SLC12A2: variants seen among roughly 807,000 people sequenced by gnomAD.
SLC12A2 encodes the protein solute carrier family 12 member 2.
SLC12A2 carries 67 observed loss-of-function variants against 136.3 expected under a neutral mutation model. The observed-to-expected ratio is 0.49, with a 90% CI of 0.40 to 0.60. SLC12A2 has a LOEUF of 0.60. SLC12A2 is among the 20% of genes least tolerant of loss of function. The pLI is 0.00. For synonymous variants in SLC12A2, 619 were observed against 562.9 expected, an observed-to-expected ratio of 1.10 and a Z score of -1.41; for missense variants, 1,322 against 1,534.7, an observed-to-expected ratio of 0.86 and a Z score of 2.32.
chr5:128,084,134 C>T lies in SLC12A2; in HGVS notation c.180C>T (p.Gly60=). The stretch of plus-strand genomic sequence containing the variant: ...ACGGCGGCGGGGTCCGCGATGAGGG[C>T]CCCGCGGCGGCCGGGGACGGGCTGG... ...SRDGGGVRDE[G]PAAAGDGLGR... The change falls in exon 1 of 27, where the codon GGC becomes GGT. Residue 60 remains glycine, a synonymous_variant. Transcript: ENST00000262461. The surrounding 1 kb of genome is among the most constrained non-coding windows in gnomAD (Gnocchi z 5.6). 1.5e-6 allele frequency: 2 copies of T among 1,296,836 alleles called. No homozygotes were observed. The highest frequency in any genetic ancestry group is 1.9e-6 in the Non-Finnish European group (2 of 1,028,434). The allele number at this position is 1,296,836 out of a possible 1,614,324, so 80.3% of individuals were successfully genotyped here.
chr5:128,089,038 C>T (rs759938467), intron 1 of SLC12A2, among the ~76,000 whole-genome samples: 4 of 151,934 alleles, frequency 2.6e-5, no homozygotes, highest in African/African-American at 4.8e-5. Context: ...CGTGGTGGCG[C>T]ATGCCTGTAA....
chr5:128,086,990 A>G (rs745811800), intron 1 of SLC12A2, among the ~76,000 whole-genome samples: 3 of 152,252 alleles, frequency 2.0e-5, no homozygotes, highest in Non-Finnish European at 4.4e-5. Flanking sequence ...TACTAAGTGC[A>G]TAATTATCTA....
chr5:128,162,787 A>G (rs1470574692), intron 17 of SLC12A2, among the ~76,000 whole-genome samples: 1 of 152,238 alleles, frequency 6.6e-6, no homozygotes, highest in Non-Finnish European at 1.5e-5. Flanking sequence ...TTCCATATCC[A>G]TTAGACTGAC....
chr5:128,116,914 G>GA (rs953902939), intron 4 of SLC12A2, among the ~76,000 whole-genome samples: 1 of 152,004 alleles, frequency 6.6e-6, no homozygotes, highest in Admixed American at 6.6e-5. Flanking sequence ...TTGGTATCAT[G>GA]AAAAAAATAT....
Position 128,114,794 on chromosome 5 carries a change from T to C in SLC12A2, c.1048+113T>C, listed in dbSNP as rs547314367. On this transcript the variant is annotated intron_variant, in intron 4 of 26. Transcript: ENST00000262461. ...ACTGAAGCAACATATTAAGTCTATATAGACAAGAAAGTTGCTACCGAGCAC... is the reference window on the plus strand; with the variant it reads ...ACTGAAGCAACATATTAAGTCTATACAGACAAGAAAGTTGCTACCGAGCAC... 94 of 670,314 alleles carry C rather than the reference T, an allele frequency of 1.4e-4. No homozygotes were observed. The African/African-American group carries it at 1.6e-3, about 11-fold the overall frequency. 41.5% of individuals were successfully genotyped at this position (670,314 alleles called of 1,614,324 possible).
At chr5:128,177,901 A>G (rs1036925980) in intron 21 of SLC12A2, among the ~76,000 whole-genome samples, 2 of 152,160 alleles carry the variant, frequency 1.3e-5, no homozygotes, top group Non-Finnish European at 2.9e-5. Flanking sequence ...TATTGTTCTC[A>G]GACCTGCAGC....
intron 1 of SLC12A2, among the ~76,000 whole-genome samples, chr5:128,111,641 T>G (rs947240211): frequency 1.3e-5 from 2 of 151,610 alleles, no homozygotes; most frequent in Admixed American, 1.3e-4. Flanking sequence ...GGTGGGCGCC[T>G]GTAGTCCCAG....
rs751228230 is a variant in SLC12A2, at chr5:128,151,341, G to C, written c.2208G>C (p.Leu736Phe). Residue 736 changes from leucine (L) to phenylalanine (F), a missense_variant, in exon 14 of 27, where the codon TTG becomes TTC. Physicochemically the swap from Leu to Phe is conservative, Grantham distance 22. Around this residue, in one of 8 missense-constraint regions of SLC12A2, gnomAD observed 294 missense variants for 436.6 expected, o/e 0.67. Coordinates refer to ENST00000262461, the MANE Select transcript of SLC12A2 (RefSeq NM_001046.3). ...VMFVINWWAALLTYVIVLGLY... is the reference protein window; with the variant it reads ...VMFVINWWAAFLTYVIVLGLY... ...TCGTCATTAACTGGTGGGCTGCATT[G>C]CTAACATATGTGATAGTCCTTGGGC... is the stretch of plus-strand genomic sequence containing the variant. 6.2e-7 allele frequency: 1 copy of C among 1,612,194 alleles called. No homozygotes were observed. The highest frequency in any genetic ancestry group is 1.1e-5 in the South Asian group (1 of 90,814).
intron 16 of SLC12A2, among the ~76,000 whole-genome samples, chr5:128,158,870 T>G (rs1342989834): frequency 1.3e-5 from 2 of 151,602 alleles, no homozygotes; most frequent in Non-Finnish European, 2.9e-5. Context: ...TCTGTGTTTT[T>G]TTTTTTTTTT....
chr5:128,125,570 TTG>T (rs983675814), intron 4 of SLC12A2, among the ~76,000 whole-genome samples: 35 of 152,308 alleles, frequency 2.3e-4, no homozygotes, highest in African/African-American at 7.9e-4. Flanking sequence ...GACATATATA[TTG>T]TGTGTATTTG....
intron 4 of SLC12A2, among the ~76,000 whole-genome samples, chr5:128,128,713 G>A (rs1561674869): frequency 1.3e-5 from 2 of 150,650 alleles, no homozygotes; most frequent in African/African-American, 4.9e-5. Flanking sequence ...GTAGAATTAA[G>A]TTAAATGTGT....
intron 12 of SLC12A2, 133 bp from the exon 13 acceptor site, chr5:128,149,864 C>CCATTGAA (rs1762643029): frequency 1.4e-6 from 1 of 693,196 alleles, no homozygotes; most frequent in Non-Finnish European, 2.5e-6. Context: ...ATATGGCAAA[C>CCATTGAA]TCTAAATGTT....
chr5:128,177,057 A>AAT, intron 20 of SLC12A2, 48 bp from the exon 21 acceptor site: 4 of 1,139,732 alleles, frequency 3.5e-6, no homozygotes, highest in Non-Finnish European at 5.0e-6. Flanking sequence ...TTATTTTATT[A>AAT]ATATAAAGGC....
At chr5:128,180,799 A>G (rs1763682038) in intron 22 of SLC12A2, 84 bp from the exon 23 acceptor site, 2 of 803,254 alleles carry the variant, frequency 2.5e-6, no homozygotes, top group South Asian at 3.0e-5. Flanking sequence ...GAGTTGTAGT[A>G]AACATGTTTT....
At chr5:128,120,825 A>G (rs1216852643) in intron 4 of SLC12A2, among the ~76,000 whole-genome samples, 3 of 152,148 alleles carry the variant, frequency 2.0e-5, no homozygotes, top group Non-Finnish European at 2.9e-5. Context: ...ATACCTGCAC[A>G]TTGTGCACAT....
At chr5:128,130,622 C>T (rs1425504383) in intron 4 of SLC12A2, among the ~76,000 whole-genome samples, 2 of 151,074 alleles carry the variant, frequency 1.3e-5, no homozygotes, top group African/African-American at 4.9e-5. Flanking sequence ...GCAGAGGTTG[C>T]AGTGAACCAA....
At chr5:128,139,758 T>C (rs1762300346) in intron 9 of SLC12A2, among the ~76,000 whole-genome samples, 1 of 152,234 alleles carries the variant, frequency 6.6e-6, no homozygotes, top group Non-Finnish European at 1.5e-5. Flanking sequence ...CTTAGTTTAA[T>C]ACTAATGTAA....
intron 17 of SLC12A2, among the ~76,000 whole-genome samples, chr5:128,163,690 A>C (rs574148914): frequency 1.2e-4 from 18 of 152,348 alleles, no homozygotes; most frequent in Middle Eastern, 6.8e-3. Context: ...TACACCTCAG[A>C]AACAGTGCTT....
At chr5:128,094,970 A>G (rs977752710) in intron 1 of SLC12A2, among the ~76,000 whole-genome samples, 5 of 152,182 alleles carry the variant, frequency 3.3e-5, no homozygotes, top group Admixed American at 6.5e-5. Context: ...AGAAAGATAT[A>G]TTAGATAGTG....
Sources: gnomAD v4.1 joint callset for allele counts (sites outside exome capture counted in the v4.1 genomes callset) on GRCh38, gnomAD v4.1.1 for gene constraint, gnomAD v4.1.1 regional missense constraint, Gnocchi (gnomAD v3.1) non-coding constraint, MANE v1.5 for transcripts, NCBI Gene and HGNC (gene_info 2026-07-23, HGNC 2026-07-21) for gene names.